Variants in DRC8 observed in about 807,000 individuals in gnomAD.
DRC8 encodes the protein dynein regulatory complex subunit 8, also known as dynein regulatory complex protein 8.
the DRC8 span, among the ~76,000 whole-genome samples, chr1:245,010,084 C>T: frequency 1.3e-5 from 2 of 151,764 alleles, no homozygotes; most frequent in African/African-American, 4.8e-5. Context: ...TGGTCTCACA[C>T]TTCTGACCTC....
At chr1:245,115,926 G>A in the DRC8 span, among the ~76,000 whole-genome samples, 16 of 148,128 alleles carry the variant, frequency 1.1e-4, no homozygotes, top group South Asian at 6.4e-4. Context: ...TCACTCTGTC[G>A]CCTAGGCTGG....
chr1:244,982,480 C>T, the DRC8 span, among the ~76,000 whole-genome samples: 3 of 152,104 alleles, frequency 2.0e-5, no homozygotes, highest in Admixed American at 6.5e-5. Context: ...GCCTAGCCAA[C>T]ATGGCAAAAC....
At chr1:244,970,688 C>CCCCGCCCCGCCCCG in the DRC8 span, 4 of 483,104 alleles carry the variant, frequency 8.3e-6, no homozygotes, top group Non-Finnish European at 1.4e-5. Context: ...CGCCTCTCTC[C>CCCCGCCCCGCCCCG]CCTCTTCCCT....
chr1:245,104,180 T>G, the DRC8 span, among the ~76,000 whole-genome samples: 770 of 152,304 alleles, frequency 5.1e-3, 4 homozygotes, highest in Middle Eastern at 0.014. Context: ...AAAAAAGGAC[T>G]TTCTATTAAG....
At chr1:244,970,542 A>G in the DRC8 span, 3 of 1,436,136 alleles carry the variant, frequency 2.1e-6, no homozygotes, top group African/African-American at 1.5e-5. Flanking sequence ...GTCCATCTGG[A>G]GTTCCCACCC....
the DRC8 span, among the ~76,000 whole-genome samples, chr1:245,077,498 A>G: frequency 6.6e-6 from 1 of 152,212 alleles, no homozygotes; most frequent in South Asian, 2.1e-4. Flanking sequence ...AAGTAATCAA[A>G]ACAGTGTGGT....
At chr1:245,109,722 G>A in the DRC8 span, among the ~76,000 whole-genome samples, 1 of 152,208 alleles carries the variant, frequency 6.6e-6, no homozygotes, top group Non-Finnish European at 1.5e-5. Context: ...GCTCGGAGAG[G>A]TTATCTCAAT....
the DRC8 span, among the ~76,000 whole-genome samples, chr1:245,010,157 G>A: frequency 1.3e-5 from 2 of 152,068 alleles, no homozygotes; most frequent in African/African-American, 2.4e-5. Context: ...CACCGCTCCC[G>A]ACCTCTCATG....
chr1:245,025,723 C>A, the DRC8 span, among the ~76,000 whole-genome samples: 1 of 152,278 alleles, frequency 6.6e-6, no homozygotes, highest in African/African-American at 2.4e-5. Context: ...CTTGAATTGT[C>A]GCTGCCATTA....
At chr1:245,063,842 C>T in the DRC8 span, among the ~76,000 whole-genome samples, 1 of 152,160 alleles carries the variant, frequency 6.6e-6, no homozygotes, top group African/African-American at 2.4e-5. Context: ...CTGCCTCAGC[C>T]TCCCGAGTAG....
chr1:245,124,512 C>G, the DRC8 span: 1 of 152,174 alleles, frequency 6.6e-6, no homozygotes, highest in South Asian at 2.1e-4. Context: ...AAGTAAGCAT[C>G]AGTCAGCCTG....
At chr1:245,002,249 C>T in the DRC8 span, 2 of 1,578,386 alleles carry the variant, frequency 1.3e-6, no homozygotes, top group Admixed American at 1.8e-5. Context: ...TGCATTCATA[C>T]CTCCTCCCCA....
the DRC8 span, among the ~76,000 whole-genome samples, chr1:245,112,323 C>T: frequency 6.6e-6 from 1 of 152,376 alleles, no homozygotes; most frequent in Admixed American, 6.5e-5. Flanking sequence ...ATCTGCCTGC[C>T]TCGGCCTCCC....
At chr1:245,001,239 C>T in the DRC8 span, among the ~76,000 whole-genome samples, 7 of 152,120 alleles carry the variant, frequency 4.6e-5, no homozygotes, top group Middle Eastern at 3.4e-3. Flanking sequence ...CTCTGCAATA[C>T]GTAGGGAAAA....
chr1:245,031,020 C>A, the DRC8 span, among the ~76,000 whole-genome samples: 3 of 152,204 alleles, frequency 2.0e-5, no homozygotes, highest in African/African-American at 7.2e-5. Flanking sequence ...GCATAGCAAC[C>A]TATACATTCA....
At chr1:245,098,066 G>A in the DRC8 span, among the ~76,000 whole-genome samples, 3 of 152,206 alleles carry the variant, frequency 2.0e-5, no homozygotes, top group African/African-American at 7.2e-5. Flanking sequence ...GGGAGATAAT[G>A]GTGGATAGTG....
chr1:244,992,213 C>T, the DRC8 span, among the ~76,000 whole-genome samples: 3 of 152,178 alleles, frequency 2.0e-5, no homozygotes, highest in African/African-American at 7.2e-5. Flanking sequence ...CCTGCTCATT[C>T]TAAAGCTAAA....
At chr1:245,098,504 G>A in the DRC8 span, among the ~76,000 whole-genome samples, 1 of 152,174 alleles carries the variant, frequency 6.6e-6, no homozygotes, top group Non-Finnish European at 1.5e-5. Context: ...GGCAATCCCA[G>A]GTCCTATTCC....
chr1:244,984,446 T>G, the DRC8 span, among the ~76,000 whole-genome samples: 2 of 152,266 alleles, frequency 1.3e-5, no homozygotes, highest in African/African-American at 4.8e-5. Flanking sequence ...CTGTAAATAT[T>G]TGTTGCAAGA....
Sources: gnomAD v4.1 joint callset for allele counts (sites outside exome capture counted in the v4.1 genomes callset) on GRCh38, gnomAD v4.1.1 for gene constraint, MANE v1.5 for transcripts, NCBI Gene and HGNC (gene_info 2026-07-23, HGNC 2026-07-21) for gene names.